The following LDAH variants were observed in gnomAD, a reference collection of about 807,000 sequenced individuals.
The protein encoded by LDAH is lipid droplet associated hydrolase, also known as lipid droplet-associated hydrolase.
A neutral mutation model predicts 29.6 loss-of-function variants in LDAH; 26 were observed. The ratio of observed to expected loss-of-function variants is 0.88; its 90% CI spans 0.64 to 1.22. The LOEUF (loss-of-function observed/expected upper bound fraction) is 1.22. Among genes scored for constraint, LDAH ranks in the 50% most tolerant of loss-of-function variants. LDAH has a pLI of 0.00. For synonymous variants in LDAH, 117 were observed against 133.0 expected (o/e 0.88, Z 0.83); for missense variants, 344 against 387.3 (o/e 0.89, Z 0.94).
rs1312270331 is a variant in LDAH, at chr2:20,738,762, A to AC, written c.703+1208_703+1209insG. 1.4e-4 allele frequency among the ~76,000 whole-genome samples: 21 copies of AC among 152,034 alleles called. No individual in the cohort carries two copies. The East Asian group carries it at 2.3e-3, about 17-fold the overall frequency. On this transcript the variant is annotated intron_variant, in intron 5 of 6. Transcript: ENST00000237822. ...TTGGAGGGAAAATGGAAGGGGGAAA[A>AC]AATCTATCAATAGGACAAATATACT...
chr2:20,698,648 C>T lies in LDAH; in HGVS notation c.786+2922G>A, dbSNP rs192317065. Among the ~76,000 whole-genome samples the T allele has an allele frequency of 2.4e-3, 361 of 152,074 alleles. No homozygotes were observed. The highest frequency in any genetic ancestry group is 4.0e-3 in the Non-Finnish European group (274 of 67,992). On this transcript the variant is annotated intron_variant, in intron 6 of 6. Transcript: ENST00000237822. This position sits in a 1 kb window ranked among gnomAD's most constrained non-coding sequence, Gnocchi z 4.4. ...TGAGCCGAGATCGTGCCACTGCACTCTAGCCTGGGCGACAGTGCAAGACTC... is the reference window on the plus strand; with the variant it reads ...TGAGCCGAGATCGTGCCACTGCACTTTAGCCTGGGCGACAGTGCAAGACTC...
chr2:20,790,376 A>T lies in LDAH; in HGVS notation c.177T>A (p.Phe59Leu). 5 of 1,613,482 alleles carry T rather than the reference A, an allele frequency of 3.1e-6. No individual in the cohort carries two copies. Among genetic ancestry groups the T allele is most frequent in the Non-Finnish European group, 4.2e-6 (5 of 1,179,850 alleles). ...IIPGNPGFSAFYVPFAKALYS... is the reference protein window; with the variant it reads ...IIPGNPGFSALYVPFAKALYS... ...ATAAAGCCTTTGCAAATGGCACATAAAAGGCAGAAAAACCTGGGTTACCTA... is the reference window on the plus strand; with the variant it reads ...ATAAAGCCTTTGCAAATGGCACATATAAGGCAGAAAAACCTGGGTTACCTA... The change falls in exon 3 of 7, where the codon TTT (phenylalanine) becomes TTA (leucine). Residue 59 changes from phenylalanine (F) to leucine (L), a missense_variant. Coordinates refer to ENST00000237822, the MANE Select transcript of LDAH (RefSeq NM_021925.4).
At chr2:20,806,880 GA>G (rs549874254) in intron 1 of LDAH, among the ~76,000 whole-genome samples, 1 of 150,026 alleles carries the variant, frequency 6.7e-6, no homozygotes, top group Non-Finnish European at 1.5e-5. Flanking sequence ...TAAGGAATTA[GA>G]AAAAAAATAA....
At chr2:20,725,389 A>G (rs1665941269) in intron 5 of LDAH, among the ~76,000 whole-genome samples, 1 of 152,208 alleles carries the variant, frequency 6.6e-6, no homozygotes, top group African/African-American at 2.4e-5. Context: ...ACCTGTCACA[A>G]TTAAGAAATA....
chr2:20,788,555 G>T (rs1000583273), intron 3 of LDAH, among the ~76,000 whole-genome samples: 2 of 152,058 alleles, frequency 1.3e-5, no homozygotes, highest in African/African-American at 4.8e-5. Flanking sequence ...TAATAACGAA[G>T]ACTATAGATG....
chr2:20,822,368 C>T (rs1477050387), intron 1 of LDAH, among the ~76,000 whole-genome samples: 2 of 152,142 alleles, frequency 1.3e-5, no homozygotes, highest in African/African-American at 4.8e-5. Flanking sequence ...TGGTCTCGAT[C>T]TCCTGACCTC....
intron 6 of LDAH, among the ~76,000 whole-genome samples, chr2:20,692,430 A>C (rs1248843170): frequency 5.9e-5 from 9 of 152,248 alleles, no homozygotes; most frequent in African/African-American, 2.2e-4. Flanking sequence ...GCTAATAACA[A>C]AACTCACTTT....
intron 2 of LDAH, among the ~76,000 whole-genome samples, chr2:20,790,753 T>C (rs1188696885): frequency 6.6e-6 from 1 of 152,176 alleles, no homozygotes; most frequent in Non-Finnish European, 1.5e-5. Context: ...GAGTCTACTG[T>C]TTCCTTGTCA....
At chr2:20,807,816 C>T (rs546283813) in intron 1 of LDAH, among the ~76,000 whole-genome samples, 2 of 151,592 alleles carry the variant, frequency 1.3e-5, no homozygotes, top group South Asian at 2.1e-4. Flanking sequence ...GCTATCAACA[C>T]TTCTATACTT....
intron 4 of LDAH, among the ~76,000 whole-genome samples, chr2:20,758,007 T>C (rs1668448614): frequency 6.6e-6 from 1 of 152,176 alleles, no homozygotes; most frequent in East Asian, 1.9e-4. Flanking sequence ...GCCAATTCCT[T>C]ATAATAAACC....
rs531618014 is a variant in LDAH, at chr2:20,693,217, G to A, written c.787-6123C>T. Among the ~76,000 whole-genome samples the A allele has an allele frequency of 4.6e-5, 6 of 131,584 alleles. No individual in the cohort carries two copies. The East Asian group carries it at 1.6e-3, about 36-fold the overall frequency. 86.3% of individuals were successfully genotyped at this position (131,584 alleles called of 152,430 possible). ...ATGGTGGGCACTCTTAAAGGCTGCT[G>A]CTTTACAGGTGAGGACAAAGGGAGC... On this transcript the variant is annotated intron_variant, in intron 6 of 6. Transcript: ENST00000237822.
chr2:20,714,443 T>C (rs1665004928), intron 5 of LDAH, among the ~76,000 whole-genome samples: 1 of 152,050 alleles, frequency 6.6e-6, no homozygotes, highest in Non-Finnish European at 1.5e-5. Context: ...AGATCTAAAA[T>C]CAACACCCTA....
intron 5 of LDAH, among the ~76,000 whole-genome samples, chr2:20,712,032 G>C (rs1026403940): frequency 6.6e-6 from 1 of 152,214 alleles, no homozygotes; most frequent in East Asian, 1.9e-4. Context: ...AGACAGCAGT[G>C]GTTCTCCCAG....
chr2:20,724,908 G>A (rs1665906697), intron 5 of LDAH, among the ~76,000 whole-genome samples: 1 of 152,220 alleles, frequency 6.6e-6, no homozygotes, highest in Non-Finnish European at 1.5e-5. Context: ...CATTATTGAG[G>A]AGAGGGACTT....
chr2:20,787,963 G>A (rs534144809), intron 3 of LDAH, among the ~76,000 whole-genome samples: 121 of 152,186 alleles, frequency 8.0e-4, no homozygotes, highest in African/African-American at 2.8e-3. Flanking sequence ...TCATCTCTTA[G>A]TGCCAAGGTG....
intron 5 of LDAH, among the ~76,000 whole-genome samples, chr2:20,706,073 A>T (rs1664282040): frequency 6.6e-6 from 1 of 152,260 alleles, no homozygotes; most frequent in African/African-American, 2.4e-5. Context: ...ACATTTAAAT[A>T]GCCACATATG....
At chr2:20,820,610 T>G (rs1673200978) in intron 1 of LDAH, among the ~76,000 whole-genome samples, 1 of 151,036 alleles carries the variant, frequency 6.6e-6, no homozygotes, top group African/African-American at 2.4e-5. Context: ...ATACAAAAAT[T>G]AATTCAAGAT....
chr2:20,692,462 AAAT>A (rs1663103202), intron 6 of LDAH, among the ~76,000 whole-genome samples: 2 of 152,354 alleles, frequency 1.3e-5, no homozygotes, highest in East Asian at 3.9e-4. Flanking sequence ...CAACATCTTA[AAAT>A]AATAACAATT....
intron 2 of LDAH, among the ~76,000 whole-genome samples, chr2:20,794,982 A>G (rs1244677873): frequency 6.6e-6 from 1 of 152,228 alleles, no homozygotes; most frequent in Non-Finnish European, 1.5e-5. Flanking sequence ...TTAAGAAACC[A>G]CAAAGAAAAT....
Sources: allele counts gnomAD v4.1 joint callset (sites outside exome capture counted in the v4.1 genomes callset), GRCh38; gene constraint gnomAD v4.1.1; non-coding constraint Gnocchi (gnomAD v3.1); transcripts MANE v1.5; gene names NCBI Gene and HGNC (gene_info 2026-07-23, HGNC 2026-07-21).